TULP4: variants seen among roughly 807,000 people sequenced by gnomAD.
TULP4 encodes the protein TUB like protein 4, also known as tubby-related protein 4.
In TULP4, 16 loss-of-function variants were observed where a neutral mutation model predicts 129.0. The observed-to-expected ratio is 0.12, with a 90% confidence interval of 0.08 to 0.19. TULP4 has a LOEUF of 0.19. Ranked by LOEUF, TULP4 falls within the 10% of genes least tolerant of loss-of-function variation. The probability of loss-of-function intolerance (pLI) is 1.00; values close to 1 mark genes in which losing one functional copy is unlikely to be tolerated. For synonymous variants in TULP4, 998 were observed against 854.0 expected, an observed-to-expected ratio of 1.17 and a Z score of -2.94; for missense variants, 1,842 against 2,059.1, an observed-to-expected ratio of 0.89 and a Z score of 2.04.
At chr6:158,403,730 A>C (rs1777907653) in intron 1 of TULP4, among the ~76,000 whole-genome samples, 1 of 152,176 alleles carries the variant, frequency 6.6e-6, no homozygotes, top group South Asian at 2.1e-4. Context: ...TAGTATTTTA[A>C]TTTGGGCGTC....
intron 1 of TULP4, among the ~76,000 whole-genome samples, chr6:158,369,133 G>C (rs552373028): frequency 1.3e-5 from 2 of 152,264 alleles, no homozygotes; most frequent in Admixed American, 6.5e-5. Context: ...ATTTTATGCA[G>C]CTTTTATTTT....
chr6:158,500,402 G>C (rs550404796), intron 12 of TULP4, among the ~76,000 whole-genome samples: 46 of 152,328 alleles, frequency 3.0e-4, no homozygotes, highest in African/African-American at 1.1e-3. Flanking sequence ...GGAAGGGCCA[G>C]CTTAGCTTTT....
chr6:158,409,925 G>A (rs1695279938), intron 1 of TULP4, among the ~76,000 whole-genome samples: 1 of 151,852 alleles, frequency 6.6e-6, no homozygotes, highest in Admixed American at 6.6e-5. Flanking sequence ...GCATGATCTC[G>A]GCTCACTGCA....
intron 1 of TULP4, among the ~76,000 whole-genome samples, chr6:158,240,453 C>T (rs878968289): frequency 4.9e-5 from 4 of 81,310 alleles, no homozygotes; most frequent in East Asian, 4.7e-4. Flanking sequence ...CCAGACGGGG[C>T]GGCTGGCTGG....
At chr6:158,345,252 A>G (rs931338067) in intron 1 of TULP4, among the ~76,000 whole-genome samples, 1 of 152,202 alleles carries the variant, frequency 6.6e-6, no homozygotes, top group African/African-American at 2.4e-5. Flanking sequence ...GATTCAAGCA[A>G]TCCTCCCTGC....
chr6:158,397,366 A>G (rs1005854309), intron 1 of TULP4, among the ~76,000 whole-genome samples: 2 of 152,180 alleles, frequency 1.3e-5, no homozygotes, highest in African/African-American at 4.8e-5. Context: ...CCAATAGAGT[A>G]TGCGTGGAGA....
Position 158,449,031 on chromosome 6 carries a change from C to T in TULP4, c.579C>T (p.Val193=). ...GCACGGCCGATGGGCAGGTGATTGT[C>T]ATGGATTGCCACGGCAGAATGCTGG... The part of the protein sequence containing the change: ...LFGTADGQVI[V]MDCHGRMLAH... The change falls in exon 4 of 14, where the codon GTC becomes GTT. Residue 193 remains valine, a synonymous_variant. Coordinates refer to ENST00000367097, the MANE Select transcript of TULP4 (RefSeq NM_020245.5). The T allele has an allele frequency of 6.2e-7, 1 of 1,613,696 alleles. No homozygotes were observed. The highest frequency in any genetic ancestry group is 8.5e-7 in the Non-Finnish European group (1 of 1,179,714).
chr6:158,263,934 G>A (rs1440020759), intron 1 of TULP4, among the ~76,000 whole-genome samples: 1 of 152,004 alleles, frequency 6.6e-6, no homozygotes, highest in Non-Finnish European at 1.5e-5. Context: ...GTGGTGGCAG[G>A]TGCCTGTATT....
At chr6:158,425,074 A>C (rs767977464) in intron 2 of TULP4, among the ~76,000 whole-genome samples, 1 of 141,612 alleles carries the variant, frequency 7.1e-6, no homozygotes, top group Non-Finnish European at 1.5e-5. Flanking sequence ...GAATTGTTTG[A>C]ACTCGGTAGG....
rs79745679 is a variant in TULP4, at chr6:158,382,102, G to T, written c.253-30963G>T. ...AGGTAGGTGCATTGCTTTGGCTTGAGGTTTGGCATGATGGTCTCCCAGAGG... is the reference window on the plus strand; with the variant it reads ...AGGTAGGTGCATTGCTTTGGCTTGATGTTTGGCATGATGGTCTCCCAGAGG... On this transcript the variant is annotated intron_variant, in intron 1 of 13. Coordinates refer to ENST00000367097, the MANE Select transcript of TULP4 (RefSeq NM_020245.5). 4.7e-3 allele frequency among the ~76,000 whole-genome samples: 718 copies of T among 152,226 alleles called. 2 individuals carry two copies. Among genetic ancestry groups the T allele is most frequent in the Non-Finnish European group, 8.3e-3 (564 of 68,004 alleles).
chr6:158,500,766 T>C (rs527430200), intron 12 of TULP4, among the ~76,000 whole-genome samples: 46 of 152,326 alleles, frequency 3.0e-4, no homozygotes, highest in Non-Finnish European at 6.2e-4. Flanking sequence ...CTGTTTGAAA[T>C]GCTAAAAAGC....
intron 1 of TULP4, among the ~76,000 whole-genome samples, chr6:158,333,110 T>G (rs534880251): frequency 6.6e-6 from 1 of 152,280 alleles, no homozygotes; most frequent in South Asian, 2.1e-4. Context: ...TAATTTCAGG[T>G]TTACTACACC....
intron 9 of TULP4, among the ~76,000 whole-genome samples, chr6:158,490,159 C>T (rs943042293): frequency 6.6e-6 from 1 of 152,116 alleles, no homozygotes; most frequent in African/African-American, 2.4e-5. Context: ...TCACTTTGGG[C>T]GGCCGAGGCG....
chr6:158,417,120 A>G (rs1212443345), intron 2 of TULP4, among the ~76,000 whole-genome samples: 3 of 152,168 alleles, frequency 2.0e-5, no homozygotes, highest in Admixed American at 6.5e-5. Flanking sequence ...TGTATACCCC[A>G]AGGAGCTCAG....
chr6:158,452,365 C>G, intron 5 of TULP4, 97 bp downstream of exon 5: 1 of 1,488,290 alleles, frequency 6.7e-7, no homozygotes, highest in Non-Finnish European at 9.0e-7. Flanking sequence ...TGATTCCTGT[C>G]CTCTGTGGTG....
At chr6:158,471,602 G>A (rs1779683513) in intron 6 of TULP4, among the ~76,000 whole-genome samples, 3 of 152,220 alleles carry the variant, frequency 2.0e-5, no homozygotes, top group South Asian at 4.1e-4. Flanking sequence ...AAGTCATTCT[G>A]CGTTAACCCA....
intron 1 of TULP4, among the ~76,000 whole-genome samples, chr6:158,290,571 C>T (rs1778920114): frequency 6.6e-6 from 1 of 151,970 alleles, no homozygotes; most frequent in Non-Finnish European, 1.5e-5. Context: ...TGATTTTGGT[C>T]TCCCCTGCTC....
chr6:158,509,426 A>G lies in TULP4; in HGVS notation c.*2732A>G, dbSNP rs1019882192. 2 of 152,172 alleles carry G rather than the reference A, an allele frequency of 1.3e-5. No individual in the cohort carries two copies. The highest frequency in any genetic ancestry group is 2.9e-5 in the Non-Finnish European group (2 of 68,024). 9.4% of individuals were successfully genotyped at this position (152,172 alleles called of 1,614,324 possible). Reference sequence around the variant, plus strand: ...CTATTAGAATGAGAGTAGCCAAGGAAAGAGTTACTAGGTAATAAGCTTCAC... The same window carrying G: ...CTATTAGAATGAGAGTAGCCAAGGAGAGAGTTACTAGGTAATAAGCTTCAC... On this transcript the variant is annotated 3_prime_UTR_variant, in exon 14 of 14. Coordinates refer to ENST00000367097, the MANE Select transcript of TULP4 (RefSeq NM_020245.5).
At chr6:158,435,958 G>T (rs1419627311) in intron 3 of TULP4, among the ~76,000 whole-genome samples, 1 of 150,480 alleles carries the variant, frequency 6.6e-6, no homozygotes, top group African/African-American at 2.5e-5. Context: ...GTGGAGTCTC[G>T]CTCTGTCGCC....
Sources: gnomAD v4.1 joint callset for allele counts (sites outside exome capture counted in the v4.1 genomes callset) on GRCh38, gnomAD v4.1.1 for gene constraint, MANE v1.5 for transcripts, NCBI Gene and HGNC (gene_info 2026-07-23, HGNC 2026-07-21) for gene names.